Variants in JAM2 observed in about 807,000 individuals in gnomAD.
JAM2 encodes junctional adhesion molecule 2.
Under a neutral mutation model 42.0 loss-of-function variants are expected in JAM2, and 17 were observed. That is an observed-to-expected ratio of 0.40 (90% CI 0.28 to 0.61). The LOEUF is 0.61. Ranked by LOEUF, JAM2 falls within the 20% of genes least tolerant of loss-of-function variation. JAM2 has a pLI of 0.37. For synonymous variants in JAM2, 118 were observed against 128.6 expected (o/e 0.92, Z 0.56); for missense variants, 319 against 358.3 (o/e 0.89, Z 0.89).
intron 2 of JAM2, among the ~76,000 whole-genome samples, chr21:25,686,013 G>A (rs932519508): frequency 4.6e-5 from 7 of 152,160 alleles, no homozygotes; most frequent in Non-Finnish European, 1.5e-5. Context: ...GTATCAAGGT[G>A]AATTTCACAT....
intron 3 of JAM2, among the ~76,000 whole-genome samples, chr21:25,692,802 C>T (rs752952275): frequency 5.3e-5 from 8 of 152,100 alleles, no homozygotes; most frequent in Non-Finnish European, 7.4e-5. Context: ...TTTTGCCTTA[C>T]GTTTGTTTAG....
Position 25,689,980 on chromosome 21 carries a change from AG to A in JAM2, c.241+8del, listed in dbSNP as rs750576366. 3.2e-6 allele frequency: 5 copies of A among 1,562,218 alleles called. No homozygotes were observed. In the African/African-American group the frequency reaches 6.8e-5, roughly 21 times the overall value. On this transcript the variant is annotated splice_region_variant and intron_variant, in intron 3 of 9. Coordinates refer to ENST00000480456, the MANE Select transcript of JAM2 (RefSeq NM_021219.4). ...TATCAACAGACTCTTCAAGGTAAGCAGCTGTAGGCTTGAAGAGGTGTGAGCA... is the reference window on the plus strand; with the variant it reads ...TATCAACAGACTCTTCAAGGTAAGCACTGTAGGCTTGAAGAGGTGTGAGCA...
At chr21:25,696,451 T>C (rs2034037495) in intron 4 of JAM2, among the ~76,000 whole-genome samples, 1 of 152,134 alleles carries the variant, frequency 6.6e-6, no homozygotes, top group Non-Finnish European at 1.5e-5. Context: ...TCCTTTTTCA[T>C]GTTGTTCATG....
intron 1 of JAM2, among the ~76,000 whole-genome samples, chr21:25,656,321 T>A (rs2032938920): frequency 6.6e-6 from 1 of 152,220 alleles, no homozygotes; most frequent in Admixed American, 6.5e-5. Flanking sequence ...CCTGCAGATA[T>A]CTTACATTTG....
At chr21:25,669,321 A>C (rs1018920456) in intron 1 of JAM2, among the ~76,000 whole-genome samples, 2 of 151,876 alleles carry the variant, frequency 1.3e-5, no homozygotes, top group African/African-American at 4.8e-5. Flanking sequence ...GCAGTGACCC[A>C]TGATTGCGCG....
rs778534986 is a variant in JAM2 at position 25,693,756 on chromosome 21, G to A, written c.242G>A (p.Gly81Asp). 5 of 1,611,990 alleles carry A rather than the reference G, an allele frequency of 3.1e-6. No individual in the cohort carries two copies. Among genetic ancestry groups the A allele is most frequent in the Admixed American group, 3.3e-5 (2 of 59,910 alleles). ...SFVYYQQTLQ[G>D]DFKNRAEMID... ...CATCAATGTCTTCTTTTTCTAAAAG[G>A]TGATTTTAAAAATCGAGCTGAGATG... The change falls in exon 4 of 10, where the codon GGT becomes GAT. Residue 81 changes from glycine (G) to aspartate (D), a missense_variant and splice_region_variant. Transcript: ENST00000480456.
chr21:25,643,966 A>G (rs1049751981), intron 1 of JAM2: 4 of 152,172 alleles, frequency 2.6e-5, no homozygotes, highest in African/African-American at 9.7e-5. Context: ...AAGTCAGACC[A>G]CCAGGAAGCT....
rs189314285 is a variant in JAM2, at chr21:25,683,627, G to A, written c.68-256G>A. On this transcript the variant is annotated intron_variant, in intron 1 of 9. Coordinates refer to ENST00000480456, the MANE Select transcript of JAM2 (RefSeq NM_021219.4). ...ATGATCGGGCTGGCAGGAGTGTGTT[G>A]TCTGGGGTGGGGTCCAAATAGATGC... 7.4e-4 allele frequency among the ~76,000 whole-genome samples: 113 copies of A among 152,288 alleles called. 1 individual carries two copies. Among genetic ancestry groups the A allele is most frequent in the African/African-American group, 2.6e-3 (108 of 41,562 alleles).
chr21:25,658,412 T>C (rs1221658546), intron 1 of JAM2, among the ~76,000 whole-genome samples: 1 of 152,092 alleles, frequency 6.6e-6, no homozygotes, highest in Non-Finnish European at 1.5e-5. Context: ...TCTGTACCTA[T>C]CCCCTGTATT....
intron 1 of JAM2, among the ~76,000 whole-genome samples, chr21:25,661,337 C>G (rs1354050975): frequency 6.6e-6 from 1 of 151,968 alleles, no homozygotes; most frequent in African/African-American, 2.4e-5. Context: ...GTGGTGCATG[C>G]CTATAGTCCT....
At chr21:25,684,015 T>A (rs376420160) in intron 2 of JAM2, 67 bp downstream of exon 2, 5 of 1,002,974 alleles carry the variant, frequency 5.0e-6, no homozygotes, top group Non-Finnish European at 7.4e-6. Context: ...ACTCGTGTGA[T>A]GTTATTTTCT....
At chr21:25,712,118 G>A (rs934707134) in intron 8 of JAM2, 11 of 530,890 alleles carry the variant, frequency 2.1e-5, no homozygotes, top group East Asian at 7.0e-5. Flanking sequence ...CTACATTTAC[G>A]TGCACAAGGC....
intron 1 of JAM2, among the ~76,000 whole-genome samples, chr21:25,644,857 G>GT (rs961996357): frequency 1.0e-5 from 1 of 96,434 alleles, no homozygotes; most frequent in Non-Finnish European, 2.2e-5. Flanking sequence ...AAGCTGGTTG[G>GT]TTTTTTGGTT....
intron 1 of JAM2, among the ~76,000 whole-genome samples, chr21:25,658,855 G>A (rs918804700): frequency 1.3e-5 from 2 of 152,188 alleles, no homozygotes; most frequent in African/African-American, 4.8e-5. Context: ...AGAAACACGG[G>A]AGCTTAGAGT....
chr21:25,641,112 C>A (rs1490870154), intron 1 of JAM2, among the ~76,000 whole-genome samples: 2 of 152,048 alleles, frequency 1.3e-5, no homozygotes, highest in African/African-American at 4.8e-5. Flanking sequence ...ACAATGAAAC[C>A]CTTGTGCAAT....
chr21:25,694,005 C>A, intron 4 of JAM2, 97 bp downstream of exon 4: 2 of 1,168,626 alleles, frequency 1.7e-6, no homozygotes, highest in South Asian at 1.6e-5. Context: ...ATGCCAGCAT[C>A]AACTGGGAGC....
intron 1 of JAM2, among the ~76,000 whole-genome samples, chr21:25,674,131 C>A (rs146061208): frequency 2.0e-5 from 3 of 152,140 alleles, no homozygotes. Context: ...CAGTGGCTCA[C>A]GCCTATAATC....
At chr21:25,703,392 T>A (rs1411654420) in intron 6 of JAM2, among the ~76,000 whole-genome samples, 1 of 152,256 alleles carries the variant, frequency 6.6e-6, no homozygotes, top group East Asian at 1.9e-4. Context: ...AACATGATTC[T>A]CACATATCTA....
intron 2 of JAM2, among the ~76,000 whole-genome samples, chr21:25,689,019 G>GTTT (rs67360261): frequency 1.4e-5 from 2 of 142,986 alleles, no homozygotes. Context: ...TGGGTTTTTT[G>GTTT]TTTTTTTTTT....
Sources: gnomAD v4.1 joint callset for allele counts (sites outside exome capture counted in the v4.1 genomes callset) on GRCh38, gnomAD v4.1.1 for gene constraint, MANE v1.5 for transcripts, NCBI Gene and HGNC (gene_info 2026-07-23, HGNC 2026-07-21) for gene names.